POU5F2: variants seen among roughly 807,000 people sequenced by gnomAD.
The protein encoded by POU5F2 is POU domain, class 5, transcription factor 2.
For missense variants in POU5F2, 401 were observed against 426.6 expected, an observed-to-expected ratio of 0.94 and a Z score of 0.53; for synonymous variants, 191 against 178.7, an observed-to-expected ratio of 1.07 and a Z score of -0.55.
In POU5F2 at chr5:93,735,835, A is replaced by G. The variant is rs555868358; in HGVS notation, c.*4742T>C. 3 of 152,188 alleles carry G rather than the reference A, an allele frequency of 2.0e-5. 1 individual carries two copies. In the South Asian group the frequency reaches 6.2e-4, roughly 32 times the overall value. 9.4% of individuals were successfully genotyped at this position (152,188 alleles called of 1,614,324 possible). A position where few individuals can be genotyped will look rare whatever the true frequency, so the allele number is the denominator to read the frequency against. On this transcript the variant is annotated 3_prime_UTR_variant, in exon 1 of 1. Coordinates refer to ENST00000606183, the MANE Select transcript of POU5F2 (RefSeq NM_153216.2). ...GGTCCCTGTAGCTTGTGTGGAGGAA[A>G]TGGTCTCACTGTGATGTTGTAAGCT...
chr5:93,736,171 C>A lies in POU5F2; in HGVS notation c.*4406G>T, dbSNP rs1580960141. On this transcript the variant is annotated 3_prime_UTR_variant, in exon 1 of 1. Coordinates refer to ENST00000606183, the MANE Select transcript of POU5F2 (RefSeq NM_153216.2). Reference sequence around the variant, plus strand: ...TCATTTACACTTGCTTTGTGGCCATCATATTTCCAATGTGATTCTATATTC... The same window carrying A: ...TCATTTACACTTGCTTTGTGGCCATAATATTTCCAATGTGATTCTATATTC... 2 of 152,210 alleles carry A rather than the reference C, an allele frequency of 1.3e-5. No individual in the cohort carries two copies. The highest frequency in any genetic ancestry group is 1.3e-4 in the Admixed American group (2 of 15,290). The allele number at this position is 152,210 out of a possible 1,614,324, so 9.4% of individuals were successfully genotyped here.
chr5:93,740,890 A>G lies in POU5F2; in HGVS notation c.674T>C (p.Leu225Pro). 6.2e-7 allele frequency: 1 copy of G among 1,613,960 alleles called. No homozygotes were observed. Among genetic ancestry groups the G allele is most frequent in the Non-Finnish European group, 8.5e-7 (1 of 1,179,882 alleles). ...ASRERRIGNS[L>P]EKFFQRCPKP... is the part of the protein sequence containing the mutation. ...AGGGCACCGCTGGAAGAATTTCTCC[A>G]GGCTGTTTCCGATTCGTCGCTCTCT... Residue 225 changes from leucine (L) to proline (P), a missense_variant, in exon 1 of 1, where the codon CTG (leucine) becomes CCG (proline). Leu to Pro is a moderately conservative substitution (Grantham distance 98). Transcript: ENST00000606183.
chr5:93,740,706 T>C lies in POU5F2; in HGVS notation c.858A>G (p.Pro286=), dbSNP rs768012703. The C allele has an allele frequency of 6.2e-7, 1 of 1,613,572 alleles. No individual in the cohort carries two copies. Among genetic ancestry groups the C allele is most frequent in the Non-Finnish European group, 8.5e-7 (1 of 1,179,738 alleles). ...CCAGGTGAAAGCACACTGGTGCTCCTGGGCAAGGAGGCCCGGCTGTCCCCA... is the reference window on the plus strand; with the variant it reads ...CCAGGTGAAAGCACACTGGTGCTCCCGGGCAAGGAGGCCCGGCTGTCCCCA... ...EIVGTAGPPC[P]GAPVCFHLGL... is the part of the protein sequence containing the mutation. Residue 286 remains proline (P), a synonymous_variant, in exon 1 of 1, where the codon CCA becomes CCG. Transcript: ENST00000606183.
chr5:93,740,351 A>C lies in POU5F2; in HGVS notation c.*226T>G, dbSNP rs1334060022. The C allele has an allele frequency of 9.5e-6, 5 of 528,358 alleles. No individual in the cohort carries two copies. Among genetic ancestry groups the C allele is most frequent in the Non-Finnish European group, 1.3e-5 (4 of 300,042 alleles). The allele number at this position is 528,358 out of a possible 1,614,324, so 32.7% of individuals were successfully genotyped here. On this transcript the variant is annotated 3_prime_UTR_variant, in exon 1 of 1. Coordinates refer to ENST00000606183, the MANE Select transcript of POU5F2 (RefSeq NM_153216.2). Reference sequence around the variant, plus strand: ...TGTAATGTACCTTTAAACCAATGCTAGGGAAAAACAAAGGGAAAACACAAA... The same window carrying C: ...TGTAATGTACCTTTAAACCAATGCTCGGGAAAAACAAAGGGAAAACACAAA...
Position 93,737,462 on chromosome 5 carries a change from C to T in POU5F2, c.*3115G>A, listed in dbSNP as rs1747451804. 1 of 151,940 alleles carries T rather than the reference C, an allele frequency of 6.6e-6. No individual in the cohort carries two copies. Among genetic ancestry groups the T allele is most frequent in the Non-Finnish European group, 1.5e-5 (1 of 67,994 alleles). 9.4% of individuals were successfully genotyped at this position (151,940 alleles called of 1,614,324 possible). A position where few individuals can be genotyped will look rare whatever the true frequency, so the allele number is the denominator to read the frequency against. On this transcript the variant is annotated 3_prime_UTR_variant, in exon 1 of 1. Transcript: ENST00000606183. ...AAAATTCCTATGAAATTTCAAGTAA[C>T]CCACAATGGTGTGTGTGTGTATATA...
chr5:93,737,274 A>G lies in POU5F2; in HGVS notation c.*3303T>C, dbSNP rs1747420209. Reference sequence around the variant, plus strand: ...TACACTGAAAACTAAAACACTGCTCAAAGAAATTAAAGAAGACATAAGTGG... The same window carrying G: ...TACACTGAAAACTAAAACACTGCTCGAAGAAATTAAAGAAGACATAAGTGG... On this transcript the variant is annotated 3_prime_UTR_variant, in exon 1 of 1. Coordinates refer to ENST00000606183, the MANE Select transcript of POU5F2 (RefSeq NM_153216.2). 6.6e-6 allele frequency: 1 copy of G among 152,190 alleles called. No individual in the cohort carries two copies. Among genetic ancestry groups the G allele is most frequent in the African/African-American group, 2.4e-5 (1 of 41,450 alleles). The allele number at this position is 152,190 out of a possible 1,614,324, so 9.4% of individuals were successfully genotyped here.
Position 93,740,364 on chromosome 5 carries a change from G to A in POU5F2, c.*213C>T, listed in dbSNP as rs986685503. 4.2e-5 allele frequency: 23 copies of A among 546,134 alleles called. No individual in the cohort carries two copies. In the East Asian group the frequency reaches 6.4e-4, roughly 15 times the overall value. 33.8% of individuals were successfully genotyped at this position (546,134 alleles called of 1,614,324 possible). ...TAAACCAATGCTAGGGAAAAACAAA[G>A]GGAAAACACAAAACTGCAATAAACT... On this transcript the variant is annotated 3_prime_UTR_variant, in exon 1 of 1. Coordinates refer to ENST00000606183, the MANE Select transcript of POU5F2 (RefSeq NM_153216.2).
rs970670868 is a variant in POU5F2 at position 93,738,078 on chromosome 5, G to A, written c.*2499C>T. On this transcript the variant is annotated 3_prime_UTR_variant, in exon 1 of 1. Transcript: ENST00000606183. The stretch of plus-strand genomic sequence containing the variant: ...TACTTGCAAACCATCTATCTGATAA[G>A]GGCTTAATATCCAGACTCTATGAAG... The A allele has an allele frequency of 4.4e-5, 13 of 293,982 alleles. No individual in the cohort carries two copies. The highest frequency in any genetic ancestry group is 8.6e-5 in the Non-Finnish European group (13 of 150,440). 18.2% of individuals were successfully genotyped at this position (293,982 alleles called of 1,614,324 possible).
Position 93,737,872 on chromosome 5 carries a change from A to G in POU5F2, c.*2705T>C, listed in dbSNP as rs1173966721. On this transcript the variant is annotated 3_prime_UTR_variant, in exon 1 of 1. Coordinates refer to ENST00000606183, the MANE Select transcript of POU5F2 (RefSeq NM_153216.2). ...CAAAGTCCTAAATTTAATAAATAAA[A>G]CTGTAAAATTCATAGAAGAAAACAC... is the stretch of plus-strand genomic sequence containing the variant. The G allele has an allele frequency of 2.3e-6, 1 of 437,396 alleles. No homozygotes were observed. The highest frequency in any genetic ancestry group is 4.5e-6 in the Non-Finnish European group (1 of 221,156). The allele number at this position is 437,396 out of a possible 1,614,324, so 27.1% of individuals were successfully genotyped here. A position where few individuals can be genotyped will look rare whatever the true frequency, so the allele number is the denominator to read the frequency against.
Position 93,740,949 on chromosome 5 carries a change from G to T in POU5F2, c.615C>A (p.Ile205=), listed in dbSNP as rs554717601. The T allele has an allele frequency of 1.1e-5, 18 of 1,613,944 alleles. 1 individual carries two copies. Among genetic ancestry groups the T allele is most frequent in the African/African-American group, 9.3e-5 (7 of 75,032 alleles). The change falls in exon 1 of 1, where the codon ATC becomes ATA. Residue 205 remains isoleucine (I), a synonymous_variant. Transcript: ENST00000606183. ...NLLGLCKMEM[I]LQQSGKWRRA... Reference sequence around the variant, plus strand: ...GTCTCCACTTCCCAGACTGTTGCAGGATCATCTCCATTTTGCATAAGCCCA... The same window carrying T: ...GTCTCCACTTCCCAGACTGTTGCAGTATCATCTCCATTTTGCATAAGCCCA...
chr5:93,740,744 G>C lies in POU5F2; in HGVS notation c.820C>G (p.Pro274Ala). The C allele has an allele frequency of 6.2e-7, 1 of 1,612,624 alleles. No homozygotes were observed. The highest frequency in any genetic ancestry group is 8.5e-7 in the Non-Finnish European group (1 of 1,179,250). ...CCGGCTGTCCCCACAATCTCCCGTG[G>C]GGAAGCATCATTGGTTGGTCGACTG... ...MGSRPTNDASPREIVGTAGPP... is the reference protein window; with the variant it reads ...MGSRPTNDASAREIVGTAGPP... The change falls in exon 1 of 1, where the codon CCA (proline) becomes GCA (alanine). Residue 274 changes from proline to alanine, a missense_variant. Transcript: ENST00000606183.
rs1747041733 is a variant in POU5F2 at position 93,735,545 on chromosome 5, T to C, written c.*5032A>G. 1.3e-5 allele frequency: 2 copies of C among 152,208 alleles called. No homozygotes were observed. The highest frequency in any genetic ancestry group is 2.9e-5 in the Non-Finnish European group (2 of 68,048). The allele number at this position is 152,208 out of a possible 1,614,324, so 9.4% of individuals were successfully genotyped here. ...CTTATGTTCACAACACAATCAGAGT[T>C]GTTTATTCTGGCATTCAACATGGTC... On this transcript the variant is annotated 3_prime_UTR_variant, in exon 1 of 1. Coordinates refer to ENST00000606183, the MANE Select transcript of POU5F2 (RefSeq NM_153216.2).
Position 93,740,766 on chromosome 5 carries a change from A to G in POU5F2, c.798T>C (p.Ser266=). Residue 266 remains serine, a synonymous_variant, in exon 1 of 1, where the codon AGT becomes AGC. Coordinates refer to ENST00000606183, the MANE Select transcript of POU5F2 (RefSeq NM_153216.2). ...VWFYNRSKMG[S]RPTNDASPRE... is the part of the protein sequence containing the mutation. ...GTGGGGAAGCATCATTGGTTGGTCG[A>G]CTGCCCATCTTGCTGCGGTTATAGA... 1 of 1,612,238 alleles carries G rather than the reference A, an allele frequency of 6.2e-7. No homozygotes were observed.
In POU5F2 at chr5:93,741,097, C is replaced by A; in HGVS notation, c.467G>T (p.Gly156Val). 6.2e-7 allele frequency: 1 copy of A among 1,613,856 alleles called. No individual in the cohort carries two copies. The highest frequency in any genetic ancestry group is 8.5e-7 in the Non-Finnish European group (1 of 1,179,900). ...DVGIAVGALF[G>V]KVLSQTTICR... is the part of the protein sequence containing the mutation. ...GATGGTCGTCTGGCTAAGCACCTTCCCAAACAGAGCTCCCACAGCGATCCC... is the reference window on the plus strand; with the variant it reads ...GATGGTCGTCTGGCTAAGCACCTTCACAAACAGAGCTCCCACAGCGATCCC... The change falls in exon 1 of 1, where the codon GGG (glycine) becomes GTG (valine). Residue 156 changes from glycine (G) to valine (V), a missense_variant. By Grantham distance (109) the Gly-to-Val change is moderately radical. Transcript: ENST00000606183.
In POU5F2 at chr5:93,740,620, T is replaced by G. The variant is rs747918225; in HGVS notation, c.944A>C (p.His315Pro). Residue 315 changes from histidine to proline, a missense_variant, in exon 1 of 1, where the codon CAC becomes CCC. Coordinates refer to ENST00000606183, the MANE Select transcript of POU5F2 (RefSeq NM_153216.2). ...CAGAGTGGTGGCTGGGGCAGAGGAG[T>G]GGGCTACCCCTGCAGAGTAGAGACG... ...YTRLYSAGVA[H>P]SSAPATTLGL... 6.2e-7 allele frequency: 1 copy of G among 1,602,698 alleles called. No individual in the cohort carries two copies. The highest frequency in any genetic ancestry group is 8.5e-7 in the Non-Finnish European group (1 of 1,170,810).
rs1280841324 is a variant in POU5F2, at chr5:93,741,463, C to G, written c.101G>C (p.Trp34Ser). ...PMPLRVDTLT[W>S]LSTQAAPGRV... ...GCCAGGGGCCGCCTGGGTGCTCAAC[C>G]AGGTCAGAGTGTCAACCCGCAGGGG... is the stretch of plus-strand genomic sequence containing the variant. The change falls in exon 1 of 1, where the codon TGG (tryptophan) becomes TCG (serine). Residue 34 changes from tryptophan to serine, a missense_variant. By Grantham distance (177) the Trp-to-Ser change is radical. Transcript: ENST00000606183. The G allele has an allele frequency of 6.2e-7, 1 of 1,613,552 alleles. No individual in the cohort carries two copies. The highest frequency in any genetic ancestry group is 2.2e-5 in the East Asian group (1 of 44,848).
At position 93,737,251 on chromosome 5, in the gene POU5F2, C is replaced by T. The variant is rs1264274452; in HGVS notation, c.*3326G>A. ...ACTTTAAGAAAGTGAAAGGCTTGTA[C>T]ACTGAAAACTAAAACACTGCTCAAA... On this transcript the variant is annotated 3_prime_UTR_variant, in exon 1 of 1. Transcript: ENST00000606183. 1.3e-5 allele frequency: 2 copies of T among 152,120 alleles called. No individual in the cohort carries two copies. Among genetic ancestry groups the T allele is most frequent in the Non-Finnish European group, 2.9e-5 (2 of 68,004 alleles). 9.4% of individuals were successfully genotyped at this position (152,120 alleles called of 1,614,324 possible).
chr5:93,741,252 G>C, the POU5F2 span: 1 of 1,613,918 alleles, frequency 6.2e-7, no homozygotes, highest in Admixed American at 1.7e-5. Context: ...GCAGGGCAAT[G>C]TAGGGCCCCG....
rs1458551270 is a variant in POU5F2 at position 93,735,331 on chromosome 5, G to A, written c.*5246C>T. ...AAAATCTTTTAAATTATGTGAAGCT[G>A]ATTAGTGACACATAGAGGCTTTGCC... On this transcript the variant is annotated 3_prime_UTR_variant, in exon 1 of 1. Coordinates refer to ENST00000606183, the MANE Select transcript of POU5F2 (RefSeq NM_153216.2). The A allele has an allele frequency of 6.6e-6, 1 of 152,198 alleles. No individual in the cohort carries two copies. Among genetic ancestry groups the A allele is most frequent in the Non-Finnish European group, 1.5e-5 (1 of 68,046 alleles). The allele number at this position is 152,198 out of a possible 1,614,324, so 9.4% of individuals were successfully genotyped here.
Sources: gnomAD v4.1 joint callset for allele counts on GRCh38, gnomAD v4.1.1 for gene constraint, MANE v1.5 for transcripts, NCBI Gene and HGNC (gene_info 2026-07-23, HGNC 2026-07-21) for gene names.